The following ANO2 variants were observed in gnomAD, a reference collection of about 807,000 sequenced individuals.
The protein encoded by ANO2 is anoctamin-2.
ANO2 carries 101 observed loss-of-function variants against 124.2 expected under a neutral mutation model. The ratio of observed to expected loss-of-function variants is 0.81; its 90% CI spans 0.69 to 0.96. ANO2 has a LOEUF of 0.96. ANO2 is among the 40% of genes least tolerant of loss of function. ANO2 has a pLI of 0.00. For missense variants in ANO2, 1,293 were observed against 1,274.5 expected, an observed-to-expected ratio of 1.01 and a Z score of -0.22; for synonymous variants, 486 against 482.5, an observed-to-expected ratio of 1.01 and a Z score of -0.09.
chr12:5,570,341 T>A (rs369746550), intron 23 of ANO2, among the ~76,000 whole-genome samples: 20 of 152,288 alleles, frequency 1.3e-4, no homozygotes, highest in African/African-American at 4.8e-4. Context: ...GTTGGAAGGA[T>A]GCCTGGGGTT....
At chr12:5,628,560 T>C (rs1945528807) in intron 16 of ANO2, among the ~76,000 whole-genome samples, 1 of 152,220 alleles carries the variant, frequency 6.6e-6, no homozygotes. Flanking sequence ...TTCCTGTCTC[T>C]AAATGGGAGT....
chr12:5,719,868 A>T (rs1950158111), intron 14 of ANO2, among the ~76,000 whole-genome samples: 1 of 152,166 alleles, frequency 6.6e-6, no homozygotes, highest in Admixed American at 6.5e-5. Flanking sequence ...TGATTGACCA[A>T]GCACCCCTTC....
At chr12:5,879,854 T>C (rs7972259) in intron 3 of ANO2, among the ~76,000 whole-genome samples, 73,326 of 152,030 alleles carry the variant, frequency 0.48, 17,903 homozygotes, top group South Asian at 0.59. Flanking sequence ...TGTGAACTCG[T>C]TCTGAGGTGC....
rs143864123 is a variant in ANO2 at position 5,783,191 on chromosome 12, C to T, written c.1055+16316G>A. Among the ~76,000 whole-genome samples, 4 of 152,312 alleles carry T rather than the reference C, an allele frequency of 2.6e-5. No homozygotes were observed. The East Asian group carries it at 5.8e-4, about 22-fold the overall frequency. ...CCTGCCAAATCAGACCTTTCTGTCC[C>T]GCATGCTGCTAACTGACTTTACATT... On this transcript the variant is annotated intron_variant, in intron 10 of 24. Coordinates refer to ENST00000682330, the MANE Select transcript of ANO2 (RefSeq NM_001364791.2).
In ANO2 at chr12:5,643,063, T is replaced by TACACACACACACAC. The variant is rs67252256; in HGVS notation, c.1620+4650_1620+4663dup. Among the ~76,000 whole-genome samples, 325 of 150,086 alleles carry TACACACACACACAC rather than the reference T, an allele frequency of 2.2e-3. 3 individuals are homozygous for TACACACACACACAC. Among genetic ancestry groups the TACACACACACACAC allele is most frequent in the African/African-American group, 7.7e-3 (314 of 40,924 alleles). ...TGTGAACATGCAGAAAAATCCATTTTACACACACACACACACACACACACA... is the reference window on the plus strand; with the variant it reads ...TGTGAACATGCAGAAAAATCCATTTTACACACACACACACACACACACACACACACACACACACA... On this transcript the variant is annotated intron_variant, in intron 15 of 24. Transcript: ENST00000682330.
At chr12:5,940,748 C>G (rs1044024856) in intron 1 of ANO2, among the ~76,000 whole-genome samples, 1 of 152,176 alleles carries the variant, frequency 6.6e-6, no homozygotes, top group Admixed American at 6.5e-5. Context: ...CAATTCTTCT[C>G]CTAGGTATAT....
chr12:5,932,589 A>T (rs1482223640), intron 1 of ANO2, among the ~76,000 whole-genome samples: 1 of 151,234 alleles, frequency 6.6e-6, no homozygotes, highest in African/African-American at 2.4e-5. Context: ...GTGACTAATA[A>T]GGAAAGAAGG....
In ANO2 at chr12:5,787,465, G is replaced by T. The variant is rs1187784671; in HGVS notation, c.1055+12042C>A. 6.6e-6 allele frequency among the ~76,000 whole-genome samples: 1 copy of T among 152,162 alleles called. No individual in the cohort carries two copies. The highest frequency in any genetic ancestry group is 1.5e-5 in the Non-Finnish European group (1 of 68,028). On this transcript the variant is annotated intron_variant, in intron 10 of 24. Transcript: ENST00000682330. This position sits in a 1 kb window ranked among gnomAD's most constrained non-coding sequence, Gnocchi z 4.2. ...GGGCATACACATGGTGGAGAAGCCA[G>T]ACTCAGGAGTTCAGATCCTACCTCT...
intron 13 of ANO2, among the ~76,000 whole-genome samples, chr12:5,737,006 T>C (rs796820786): frequency 2.3e-4 from 35 of 152,370 alleles, no homozygotes; most frequent in African/African-American, 8.2e-4. Context: ...AAGAGCACCC[T>C]GCTGGATGCA....
At chr12:5,774,294 C>T (rs185599952) in intron 10 of ANO2, among the ~76,000 whole-genome samples, 3 of 152,082 alleles carry the variant, frequency 2.0e-5, no homozygotes, top group Admixed American at 2.0e-4. Flanking sequence ...ACGTCAACAA[C>T]AACAACAAAA....
At chr12:5,795,439 T>C (rs945272799) in intron 10 of ANO2, among the ~76,000 whole-genome samples, 2 of 152,120 alleles carry the variant, frequency 1.3e-5, no homozygotes, top group Non-Finnish European at 2.9e-5. Context: ...GTAGGGACCA[T>C]TACCCCTCTT....
intron 14 of ANO2, among the ~76,000 whole-genome samples, chr12:5,665,379 C>A (rs1947649435): frequency 6.6e-6 from 1 of 152,200 alleles, no homozygotes; most frequent in Non-Finnish European, 1.5e-5. Flanking sequence ...TGCTGGGTGG[C>A]AGGACAATGG....
chr12:5,893,755 C>A (rs185422276), intron 3 of ANO2, among the ~76,000 whole-genome samples: 1 of 151,182 alleles, frequency 6.6e-6, no homozygotes, highest in Admixed American at 6.6e-5. Flanking sequence ...GTTTTCTGTT[C>A]CTGTGTTAGT....
intron 3 of ANO2, among the ~76,000 whole-genome samples, chr12:5,871,607 G>T (rs930525201): frequency 7.9e-5 from 12 of 152,092 alleles, no homozygotes; most frequent in African/African-American, 2.2e-4. Flanking sequence ...AGGGATCTAG[G>T]TTGCATGCTC....
chr12:5,571,468 G>T (rs1422341930), intron 23 of ANO2, among the ~76,000 whole-genome samples: 1 of 152,184 alleles, frequency 6.6e-6, no homozygotes, highest in Non-Finnish European at 1.5e-5. Flanking sequence ...GGCTGGGTTG[G>T]AGTCGGAGAC....
At chr12:5,589,748 G>A (rs935948760) in intron 20 of ANO2, among the ~76,000 whole-genome samples, 21 of 152,284 alleles carry the variant, frequency 1.4e-4, no homozygotes, top group Admixed American at 1.4e-3. Flanking sequence ...GGCTTTGGAT[G>A]CACGCATGAG....
At position 5,854,059 on chromosome 12, in the gene ANO2, T is replaced by G; in HGVS notation, c.617A>C (p.Lys206Thr). 6.2e-7 allele frequency: 1 copy of G among 1,613,264 alleles called. No homozygotes were observed. Among genetic ancestry groups the G allele is most frequent in the Non-Finnish European group, 8.5e-7 (1 of 1,179,422 alleles). The change falls in exon 4 of 25, where the codon AAA becomes ACA. Residue 206 changes from lysine (K) to threonine (T), a missense_variant. Physicochemically the swap from Lys to Thr is moderately conservative, Grantham distance 78. Transcript: ENST00000682330. ...LAREAEFLKI[K>T]VPTKKMYEIK... ...TGCTCATACTTTCTTGGTAGGAACT[T>G]TGATCTTCAAGAATTCTGCCTCTCT...
chr12:5,834,944 T>C (rs1000397619), intron 4 of ANO2, among the ~76,000 whole-genome samples: 2 of 152,216 alleles, frequency 1.3e-5, no homozygotes, highest in African/African-American at 2.4e-5. Flanking sequence ...CATCATATCA[T>C]AGATATCTTT....
chr12:5,613,637 T>C (rs1477889248), intron 17 of ANO2, among the ~76,000 whole-genome samples: 1 of 152,180 alleles, frequency 6.6e-6, no homozygotes, highest in Non-Finnish European at 1.5e-5. Flanking sequence ...ATCCTACTCA[T>C]CCATTTAAGG....
Sources: allele counts gnomAD v4.1 joint callset (sites outside exome capture counted in the v4.1 genomes callset), GRCh38; gene constraint gnomAD v4.1.1; non-coding constraint Gnocchi (gnomAD v3.1); transcripts MANE v1.5; gene names NCBI Gene and HGNC (gene_info 2026-07-23, HGNC 2026-07-21).